ANK2: variants seen among roughly 807,000 people sequenced by gnomAD.
The protein encoded by ANK2 is ankyrin-2.
In ANK2, 83 loss-of-function variants were observed where a neutral mutation model predicts 360.5. The observed-to-expected ratio is 0.23, with a 90% confidence interval of 0.19 to 0.28. The LOEUF (loss-of-function observed/expected upper bound fraction) is 0.28. ANK2 is among the 10% of genes least tolerant of loss of function. The pLI, the probability that ANK2 is intolerant of heterozygous loss-of-function variation, is 1.00. For missense variants in ANK2, 4,201 were observed against 4,795.7 expected (o/e 0.88, Z 3.66); for synonymous variants, 1,740 against 1,759.5 (o/e 0.99, Z 0.28).
At chr4:112,976,658 GTATTTGCTTTTTTT>G (rs900012054) in intron 2 of ANK2, among the ~76,000 whole-genome samples, 4 of 150,900 alleles carry the variant, frequency 2.7e-5, no homozygotes, top group African/African-American at 9.7e-5. Flanking sequence ...TATTCATGCT[GTATTTGCTTTTTTT>G]TTTTTTCCTA....
At chr4:112,918,227 C>G (rs549849238) in intron 2 of ANK2, among the ~76,000 whole-genome samples, 2 of 152,234 alleles carry the variant, frequency 1.3e-5, no homozygotes, top group Non-Finnish European at 2.9e-5. Context: ...CTGAGCTCAG[C>G]CAAGCTCAGT....
intron 2 of ANK2, among the ~76,000 whole-genome samples, chr4:112,941,295 A>C (rs1432160174): frequency 5.6e-4 from 83 of 147,538 alleles, no homozygotes; most frequent in Non-Finnish European, 6.0e-5. Flanking sequence ...ATATAAAGAT[A>C]TATAAATTTA....
chr4:113,309,698 T>G (rs950181457), intron 23 of ANK2, among the ~76,000 whole-genome samples: 8 of 151,820 alleles, frequency 5.3e-5, no homozygotes, highest in African/African-American at 1.7e-4. Context: ...TGAAAAAAAT[T>G]TTTAGTAGAG....
intron 2 of ANK2, among the ~76,000 whole-genome samples, chr4:113,025,896 T>C (rs1390559192): frequency 6.6e-6 from 1 of 152,206 alleles, no homozygotes; most frequent in Non-Finnish European, 1.5e-5. Context: ...TAGGCAATGA[T>C]ATAAAGGTGA....
At chr4:113,202,318 C>T (rs934989905) in intron 4 of ANK2, among the ~76,000 whole-genome samples, 2 of 152,078 alleles carry the variant, frequency 1.3e-5, no homozygotes, top group Admixed American at 6.6e-5. Context: ...ATGTAAGATA[C>T]AGGATTCTTT....
chr4:113,041,442 A>G (rs1005703955), intron 2 of ANK2, among the ~76,000 whole-genome samples: 4 of 152,148 alleles, frequency 2.6e-5, no homozygotes, highest in Non-Finnish European at 2.9e-5. Context: ...AGATGGGCTC[A>G]GTTTGGTGGT....
chr4:113,072,734 T>C (rs2154341402), intron 1 of ANK2, among the ~76,000 whole-genome samples: 1 of 145,162 alleles, frequency 6.9e-6, no homozygotes, highest in Non-Finnish European at 1.5e-5. Flanking sequence ...AAATAGACAC[T>C]TGGCATAATT....
chr4:112,705,723 C>G, the ANK2 span, among the ~76,000 whole-genome samples: 3 of 152,258 alleles, frequency 2.0e-5, no homozygotes, highest in African/African-American at 7.2e-5. Context: ...TGGGAGCTGT[C>G]CATGAGCTCA....
intron 1 of ANK2, among the ~76,000 whole-genome samples, chr4:112,887,556 T>C (rs989965449): frequency 3.3e-5 from 5 of 152,240 alleles, no homozygotes; most frequent in African/African-American, 9.6e-5. Context: ...ATAAAAGATA[T>C]GTGTTTCATA....
chr4:113,341,211 G>A (rs2094258874), intron 32 of ANK2, among the ~76,000 whole-genome samples: 1 of 152,162 alleles, frequency 6.6e-6, no homozygotes, highest in South Asian at 2.1e-4. Flanking sequence ...GAATAACGAG[G>A]GGAGGAAAAG....
intron 1 of ANK2, among the ~76,000 whole-genome samples, chr4:113,099,197 A>G (rs1265485152): frequency 6.6e-6 from 1 of 151,998 alleles, no homozygotes; most frequent in African/African-American, 2.4e-5. Flanking sequence ...ATATTGGGAA[A>G]AAAGAAATAA....
intron 43 of ANK2, among the ~76,000 whole-genome samples, chr4:113,371,771 G>T (rs893499560): frequency 6.6e-6 from 1 of 152,168 alleles, no homozygotes; most frequent in African/African-American, 2.4e-5. Context: ...CTTTAGCAGA[G>T]ACAAATGTAA....
intron 18 of ANK2, among the ~76,000 whole-genome samples, chr4:113,287,090 G>A (rs1003332832): frequency 1.3e-5 from 2 of 152,144 alleles, no homozygotes; most frequent in African/African-American, 4.8e-5. Context: ...GTAATGTTTA[G>A]AGGAACCTCC....
At chr4:112,742,923 A>C in the ANK2 span, among the ~76,000 whole-genome samples, 1 of 151,974 alleles carries the variant, frequency 6.6e-6, no homozygotes, top group African/African-American at 2.4e-5. Flanking sequence ...TGGGGGTTTC[A>C]CCATGTTGGT....
intron 2 of ANK2, among the ~76,000 whole-genome samples, chr4:112,957,127 A>G (rs2095376377): frequency 1.3e-5 from 2 of 150,292 alleles, no homozygotes; most frequent in African/African-American, 4.9e-5. Flanking sequence ...AAGTGAACAA[A>G]GGTCTCTGGT....
intron 2 of ANK2, among the ~76,000 whole-genome samples, chr4:112,963,559 C>A (rs1018147229): frequency 6.6e-6 from 1 of 152,018 alleles, no homozygotes; most frequent in African/African-American, 2.4e-5. Context: ...GACAGTAGCA[C>A]GTGTCTTGAG....
intron 4 of ANK2, chr4:113,214,310 T>G (rs2099061825): frequency 9.7e-7 from 1 of 1,026,810 alleles, no homozygotes; most frequent in African/African-American, 1.6e-5. Context: ...TGGGCACGCA[T>G]CGGGCACAGT....
intron 1 of ANK2, among the ~76,000 whole-genome samples, chr4:113,079,372 CTG>C (rs1329716518): frequency 6.6e-6 from 1 of 152,174 alleles, no homozygotes; most frequent in African/African-American, 2.4e-5. Context: ...TGGCCATGTA[CTG>C]TGAGGCTGTG....
intron 4 of ANK2, among the ~76,000 whole-genome samples, chr4:113,206,860 C>T (rs1232557688): frequency 6.6e-6 from 1 of 152,148 alleles, no homozygotes; most frequent in Non-Finnish European, 1.5e-5. Flanking sequence ...TGCATCTGTA[C>T]TAAAAATACA....
Sources: allele counts gnomAD v4.1 joint callset (sites outside exome capture counted in the v4.1 genomes callset), GRCh38; gene constraint gnomAD v4.1.1; transcripts MANE v1.5; gene names NCBI Gene and HGNC (gene_info 2026-07-23, HGNC 2026-07-21).